The following SLC25A40 variants were observed in gnomAD, a reference collection of about 807,000 sequenced individuals.
The protein encoded by SLC25A40 is solute carrier family 25 member 40.
A neutral mutation model predicts 46.5 loss-of-function variants in SLC25A40; 41 were observed. The ratio of observed to expected loss-of-function variants is 0.88; its 90% CI spans 0.69 to 1.14. The LOEUF is 1.14. SLC25A40 is among the 50% of genes most tolerant of loss of function. SLC25A40 has a pLI of 0.00. For missense variants in SLC25A40, 386 were observed against 393.6 expected (o/e 0.98, Z 0.16); for synonymous variants, 126 against 127.5 (o/e 0.99, Z 0.08).
In SLC25A40 at chr7:87,835,221, T is replaced by C. The variant is rs985910352; in HGVS notation, c.*1028A>G. On this transcript the variant is annotated 3_prime_UTR_variant, in exon 12 of 12. Coordinates refer to ENST00000341119, the MANE Select transcript of SLC25A40 (RefSeq NM_018843.4). ...ATAGAATGAATGATAAGCTAAATTATTTAGACATGTATGGTGACTGAAAGC... is the reference window on the plus strand; with the variant it reads ...ATAGAATGAATGATAAGCTAAATTACTTAGACATGTATGGTGACTGAAAGC... 1 of 151,634 alleles carries C rather than the reference T, an allele frequency of 6.6e-6. No individual in the cohort carries two copies. The highest frequency in any genetic ancestry group is 2.1e-4 in the South Asian group (1 of 4,828). 9.4% of individuals were successfully genotyped at this position (151,634 alleles called of 1,614,324 possible).
At chr7:87,869,259 C>T (rs1233014321) in intron 1 of SLC25A40, among the ~76,000 whole-genome samples, 1 of 152,106 alleles carries the variant, frequency 6.6e-6, no homozygotes, top group Non-Finnish European at 1.5e-5. Context: ...GGTGTGGTGG[C>T]TCATGCCTGT....
intron 5 of SLC25A40, among the ~76,000 whole-genome samples, chr7:87,853,403 T>C (rs939075775): frequency 6.6e-6 from 1 of 152,248 alleles, no homozygotes; most frequent in African/African-American, 2.4e-5. Flanking sequence ...AGAACCAGTG[T>C]AGAAAACAGG....
At chr7:87,853,855 TA>T (rs1409633425) in intron 5 of SLC25A40, among the ~76,000 whole-genome samples, 20 of 152,260 alleles carry the variant, frequency 1.3e-4, no homozygotes, top group African/African-American at 4.6e-4. Context: ...ATGAAATTAT[TA>T]TTTTAATTGT....
rs747313139 is a variant in SLC25A40, at chr7:87,834,027, TAATC to T, written c.*2218_*2221del. 2 of 151,976 alleles carry T rather than the reference TAATC, an allele frequency of 1.3e-5. No homozygotes were observed. The highest frequency in any genetic ancestry group is 2.9e-5 in the Non-Finnish European group (2 of 67,910). 9.4% of individuals were successfully genotyped at this position (151,976 alleles called of 1,614,324 possible). Reference sequence around the variant, plus strand: ...GATGTTCCTTCCTAAAATTTTACATTAATCAATTAAATGTTTATGTTAGAAAATT... The same window carrying T: ...GATGTTCCTTCCTAAAATTTTACATTAATTAAATGTTTATGTTAGAAAATT... On this transcript the variant is annotated 3_prime_UTR_variant, in exon 12 of 12. Transcript: ENST00000341119.
At chr7:87,840,408 G>A (rs1183073948) in intron 10 of SLC25A40, among the ~76,000 whole-genome samples, 2 of 151,684 alleles carry the variant, frequency 1.3e-5, no homozygotes, top group Non-Finnish European at 1.5e-5. Context: ...AGTTACCAAC[G>A]TAAGTGGCTC....
chr7:87,867,985 A>G (rs372155956), intron 1 of SLC25A40, among the ~76,000 whole-genome samples: 64 of 152,326 alleles, frequency 4.2e-4, no homozygotes, highest in Middle Eastern at 3.4e-3. Context: ...AACAGCCACT[A>G]TGATTTGGCA....
At chr7:87,872,016 C>T (rs1406153954) in intron 1 of SLC25A40, among the ~76,000 whole-genome samples, 1 of 152,072 alleles carries the variant, frequency 6.6e-6, no homozygotes, top group Non-Finnish European at 1.5e-5. Flanking sequence ...TAGTTGTGTA[C>T]CTTTCACTAA....
chr7:87,854,102 T>C, intron 5 of SLC25A40, 102 bp downstream of exon 5: 1 of 778,138 alleles, frequency 1.3e-6, no homozygotes, highest in Non-Finnish European at 2.1e-6. Flanking sequence ...TTCCCTGTTC[T>C]CAGTTTAATA....
At chr7:87,866,146 C>G (rs1257033186) in intron 1 of SLC25A40, among the ~76,000 whole-genome samples, 2 of 151,778 alleles carry the variant, frequency 1.3e-5, no homozygotes, top group East Asian at 3.9e-4. Context: ...GCCAGTTTTG[C>G]ACCTTCAAAT....
rs562417154 is a variant in SLC25A40, at chr7:87,840,261, A to G, written c.823+1372T>C. On this transcript the variant is annotated intron_variant, in intron 10 of 11. Transcript: ENST00000341119. ...CTGGTGCCAGTCTCAATGAAGATAT[A>G]TATCACCATCACTTAGGGATCATCT... 4.0e-5 allele frequency among the ~76,000 whole-genome samples: 6 copies of G among 151,886 alleles called. No individual in the cohort carries two copies. The South Asian group carries it at 6.2e-4, about 16-fold the overall frequency.
intron 10 of SLC25A40, among the ~76,000 whole-genome samples, chr7:87,837,350 T>G (rs1838272081): frequency 6.6e-6 from 1 of 151,062 alleles, no homozygotes; most frequent in African/African-American, 2.4e-5. Flanking sequence ...GTAAATAGTT[T>G]TAAAACTTTT....
rs1315520768 is a variant in SLC25A40, at chr7:87,854,132, A to C, written c.264+72T>G. On this transcript the variant is annotated intron_variant, in intron 5 of 11. Coordinates refer to ENST00000341119, the MANE Select transcript of SLC25A40 (RefSeq NM_018843.4). ...TTAATATGATTCTTAACCCTCTTGC[A>C]ATTAGAAAATATTTCACATATAAGA... 8.7e-6 allele frequency: 9 copies of C among 1,032,546 alleles called. No individual in the cohort carries two copies. In the African/African-American group the frequency reaches 1.5e-4, roughly 17 times the overall value. The allele number at this position is 1,032,546 out of a possible 1,614,324, so 64.0% of individuals were successfully genotyped here.
chr7:87,839,091 T>C (rs1838294601), intron 10 of SLC25A40, among the ~76,000 whole-genome samples: 2 of 151,602 alleles, frequency 1.3e-5, no homozygotes, highest in South Asian at 2.1e-4. Context: ...TACTGCCAGA[T>C]TGTTTTCCAA....
intron 5 of SLC25A40, 140 bp downstream of exon 5, chr7:87,854,064 T>C (rs1050490432): frequency 1.3e-5 from 8 of 603,794 alleles, no homozygotes; most frequent in Non-Finnish European, 2.3e-5. Flanking sequence ...ATGAAAAGGT[T>C]AACAAAGGGT....
chr7:87,854,806 T>C (rs1838579970), intron 4 of SLC25A40, among the ~76,000 whole-genome samples: 1 of 106,540 alleles, frequency 9.4e-6, no homozygotes, highest in Admixed American at 1.0e-4. Context: ...AGCAAGACTG[T>C]CTCAAAAAAA....
intron 10 of SLC25A40, among the ~76,000 whole-genome samples, chr7:87,837,626 A>C (rs1392104905): frequency 6.6e-6 from 1 of 151,414 alleles, no homozygotes. Context: ...TTATGAATAT[A>C]ATGTTTATAA....
At chr7:87,870,660 C>T (rs896410870) in intron 1 of SLC25A40, among the ~76,000 whole-genome samples, 5 of 152,048 alleles carry the variant, frequency 3.3e-5, no homozygotes, top group East Asian at 1.9e-4. Flanking sequence ...AAGAAGCAGC[C>T]GAATGTCTGA....
At chr7:87,842,592 C>G (rs1429584290) in intron 9 of SLC25A40, among the ~76,000 whole-genome samples, 1 of 152,018 alleles carries the variant, frequency 6.6e-6, no homozygotes, top group African/African-American at 2.4e-5. Context: ...GACTGTTTCT[C>G]CATCTTCATT....
intron 1 of SLC25A40, among the ~76,000 whole-genome samples, chr7:87,869,304 C>G (rs1249681543): frequency 3.9e-5 from 6 of 152,034 alleles, no homozygotes; most frequent in African/African-American, 1.5e-4. Context: ...GTGAGGCAAA[C>G]TGCTTGACCT....
Sources: allele counts gnomAD v4.1 joint callset (sites outside exome capture counted in the v4.1 genomes callset), GRCh38; gene constraint gnomAD v4.1.1; transcripts MANE v1.5; gene names NCBI Gene and HGNC (gene_info 2026-07-23, HGNC 2026-07-21).